ZBTB7C: variants seen among roughly 807,000 people sequenced by gnomAD.
ZBTB7C encodes zinc finger and BTB domain-containing protein 7C.
ZBTB7C carries 8 observed loss-of-function variants against 25.7 expected under a neutral mutation model. The observed-to-expected ratio is 0.31, with a 90% CI of 0.18 to 0.56. The LOEUF (loss-of-function observed/expected upper bound fraction) is 0.56. Among genes scored for constraint, ZBTB7C ranks in the 20% least tolerant of loss-of-function variants. The pLI is 0.91. For synonymous variants in ZBTB7C, 394 were observed against 369.0 expected, an observed-to-expected ratio of 1.07 and a Z score of -0.78; for missense variants, 824 against 855.2, an observed-to-expected ratio of 0.96 and a Z score of 0.46.
intron 3 of ZBTB7C, among the ~76,000 whole-genome samples, chr18:48,159,953 CT>C (rs2040951904): frequency 6.6e-6 from 1 of 152,214 alleles, no homozygotes; most frequent in Non-Finnish European, 1.5e-5. Context: ...ACAAGAACCC[CT>C]GCAGGAACAG....
At position 48,160,935 on chromosome 18, in the gene ZBTB7C, GTTTTTT is replaced by G. The variant is rs59824886; in HGVS notation, c.-17+24993_-17+24998del. Among the ~76,000 whole-genome samples, 9 of 136,894 alleles carry G rather than the reference GTTTTTT, an allele frequency of 6.6e-5. 1 individual carries two copies. The highest frequency in any genetic ancestry group is 4.4e-4 in the Admixed American group (6 of 13,762). 89.8% of individuals were successfully genotyped at this position (136,894 alleles called of 152,430 possible). ...TCTGGAATTCCACCATTTGAGACAA[GTTTTTT>G]TTTTTTTTTTTTCCAGTGCCGGGGG... On this transcript the variant is annotated intron_variant, in intron 3 of 4. Transcript: ENST00000590800.
At chr18:48,143,285 G>A (rs2040403850) in intron 3 of ZBTB7C, among the ~76,000 whole-genome samples, 1 of 152,152 alleles carries the variant, frequency 6.6e-6, no homozygotes, top group African/African-American at 2.4e-5. Context: ...TCCCAGGGGA[G>A]TGCTTTTTTC....
chr18:48,243,270 C>CA (rs57410285), intron 2 of ZBTB7C, among the ~76,000 whole-genome samples: 27,783 of 88,316 alleles, frequency 0.31, 4,901 homozygotes, highest in East Asian at 0.74. Context: ...TACCCCCCCA[C>CA]AAAAAAAAAA....
At chr18:48,294,795 G>T (rs2045341430) in intron 2 of ZBTB7C, among the ~76,000 whole-genome samples, 1 of 152,068 alleles carries the variant, frequency 6.6e-6, no homozygotes, top group Admixed American at 6.6e-5. Context: ...GGCTATCTTG[G>T]CTCCATGAGT....
At chr18:48,056,775 A>C (rs1314831793) in intron 3 of ZBTB7C, among the ~76,000 whole-genome samples, 1 of 152,222 alleles carries the variant, frequency 6.6e-6, no homozygotes, top group African/African-American at 2.4e-5. Flanking sequence ...TAAAAGTTAA[A>C]AAAAGTAAAT....
chr18:48,372,688 C>T (rs910303664), intron 1 of ZBTB7C, among the ~76,000 whole-genome samples: 5 of 152,134 alleles, frequency 3.3e-5, no homozygotes, highest in South Asian at 2.1e-4. Context: ...TGGTCAGGGC[C>T]GTTAATGGTC....
intron 2 of ZBTB7C, among the ~76,000 whole-genome samples, chr18:48,237,541 G>A (rs963649015): frequency 7.9e-5 from 12 of 152,214 alleles, no homozygotes; most frequent in Admixed American, 5.2e-4. Context: ...ACATCAGAAT[G>A]GCAAAAATTG....
At chr18:48,280,604 C>T (rs1336022504) in intron 2 of ZBTB7C, among the ~76,000 whole-genome samples, 1 of 152,076 alleles carries the variant, frequency 6.6e-6, no homozygotes, top group Non-Finnish European at 1.5e-5. Flanking sequence ...CTAGCCACAC[C>T]CCCAACTCTG....
chr18:48,248,709 T>G (rs1192765132), intron 2 of ZBTB7C, among the ~76,000 whole-genome samples: 1 of 152,198 alleles, frequency 6.6e-6, no homozygotes, highest in Non-Finnish European at 1.5e-5. Context: ...AGGCACCTGG[T>G]AACTCGATGT....
intron 2 of ZBTB7C, among the ~76,000 whole-genome samples, chr18:48,210,665 G>A (rs1371756524): frequency 6.6e-6 from 1 of 152,206 alleles, no homozygotes; most frequent in Non-Finnish European, 1.5e-5. Context: ...TGAGGGAAGA[G>A]AGAATTGGGA....
chr18:48,358,622 T>A (rs1328460200), intron 1 of ZBTB7C, among the ~76,000 whole-genome samples: 1 of 152,202 alleles, frequency 6.6e-6, no homozygotes, highest in Non-Finnish European at 1.5e-5. Context: ...CTTGCAGGCA[T>A]GGAATTGATT....
rs746680826 is a variant in ZBTB7C at position 48,040,291 on chromosome 18, G to T, written c.817C>A (p.Gln273Lys). The change falls in exon 4 of 5, where the codon CAG becomes AAG. Residue 273 changes from glutamine (Q) to lysine (K), a missense_variant. Gln to Lys is a moderately conservative substitution (Grantham distance 53, BLOSUM62 1). Transcript: ENST00000590800. ...DFGAFAQLPE[Q>K]PMDSGPLDLV... ...TCCAGTGGCCCACTGTCCATGGGCT[G>T]CTCAGGCAGCTGGGCAAAGGCACCG... 4 of 1,573,886 alleles carry T rather than the reference G, an allele frequency of 2.5e-6. No individual in the cohort carries two copies. Among genetic ancestry groups the T allele is most frequent in the South Asian group, 1.2e-5 (1 of 83,034 alleles).
chr18:48,385,072 G>A (rs1022107044), intron 1 of ZBTB7C, among the ~76,000 whole-genome samples: 4 of 152,178 alleles, frequency 2.6e-5, no homozygotes, highest in African/African-American at 9.7e-5. Context: ...GCAGCAGAAG[G>A]TCATGTGAGA....
chr18:48,276,135 G>A (rs911897382), intron 2 of ZBTB7C, among the ~76,000 whole-genome samples: 13 of 151,928 alleles, frequency 8.6e-5, no homozygotes, highest in Admixed American at 6.6e-4. Flanking sequence ...AACCTGAGGT[G>A]GCCTCCAGGA....
intron 2 of ZBTB7C, among the ~76,000 whole-genome samples, chr18:48,311,141 A>G (rs1487556679): frequency 1.3e-5 from 2 of 152,096 alleles, no homozygotes; most frequent in East Asian, 3.9e-4. Context: ...TCTCTTCCTC[A>G]TGTTCCCATA....
chr18:48,346,622 G>C (rs1222962016), intron 1 of ZBTB7C: 1 of 152,288 alleles, frequency 6.6e-6, no homozygotes, highest in African/African-American at 2.4e-5. Context: ...TGGGTAAGCA[G>C]AGTGTCACTG....
intron 4 of ZBTB7C, among the ~76,000 whole-genome samples, chr18:48,031,890 T>C (rs970993468): frequency 1.3e-5 from 2 of 152,154 alleles, no homozygotes; most frequent in Admixed American, 6.5e-5. Context: ...AATGGAAGTG[T>C]CGGGTGCCTG....
At chr18:48,155,755 T>G (rs2040823680) in intron 3 of ZBTB7C, among the ~76,000 whole-genome samples, 1 of 152,224 alleles carries the variant, frequency 6.6e-6, no homozygotes, top group South Asian at 2.1e-4. Flanking sequence ...GGGATGTGCC[T>G]GCATTCTATA....
chr18:48,400,444 C>T (rs1599045325), intron 1 of ZBTB7C, among the ~76,000 whole-genome samples: 4 of 152,372 alleles, frequency 2.6e-5, no homozygotes, highest in Admixed American at 2.6e-4. Context: ...GGGGAATAAA[C>T]TATATGCCTA....
Sources: gnomAD v4.1 joint callset for allele counts (sites outside exome capture counted in the v4.1 genomes callset) on GRCh38, gnomAD v4.1.1 for gene constraint, MANE v1.5 for transcripts, NCBI Gene and HGNC (gene_info 2026-07-23, HGNC 2026-07-21) for gene names.